The following PUM2 variants were observed in gnomAD, a reference collection of about 807,000 sequenced individuals.
PUM2 encodes the protein pumilio homolog 2.
A neutral mutation model predicts 124.5 loss-of-function variants in PUM2; 57 were observed. That is an observed-to-expected ratio of 0.46 (90% CI 0.37 to 0.57). The LOEUF (loss-of-function observed/expected upper bound fraction) is 0.57, where lower values mean the gene tolerates loss of function less well. PUM2 is among the 20% of genes least tolerant of loss of function. The pLI is 0.00. For missense variants in PUM2, 1,065 were observed against 1,290.6 expected, an observed-to-expected ratio of 0.83 and a Z score of 2.68; for synonymous variants, 460 against 446.1, an observed-to-expected ratio of 1.03 and a Z score of -0.39.
intron 1 of PUM2, among the ~76,000 whole-genome samples, chr2:20,331,522 A>T (rs1389128188): frequency 6.6e-6 from 1 of 152,022 alleles, no homozygotes; most frequent in Non-Finnish European, 1.5e-5. Context: ...GACAAGATTA[A>T]GTACTTCTAA....
chr2:20,262,349 TTC>T (rs1666508018), intron 14 of PUM2, among the ~76,000 whole-genome samples: 1 of 152,244 alleles, frequency 6.6e-6, no homozygotes, highest in African/African-American at 2.4e-5. Flanking sequence ...ACTGTATCTT[TTC>T]TATTGTTTAT....
At chr2:20,340,000 AAC>A (rs1054722746) in intron 1 of PUM2, among the ~76,000 whole-genome samples, 8 of 152,048 alleles carry the variant, frequency 5.3e-5, no homozygotes, top group African/African-American at 1.7e-4. Context: ...TAAAAAAAAA[AAC>A]GGCCAACTAA....
chr2:20,314,564 A>G, intron 3 of PUM2, among the ~76,000 whole-genome samples: 1 of 152,224 alleles, frequency 6.6e-6, no homozygotes, highest in Non-Finnish European at 1.5e-5. Context: ...TGTTTGTGAC[A>G]GGTATAAATA....
chr2:20,341,113 T>C (rs1202676215), intron 1 of PUM2, among the ~76,000 whole-genome samples: 3 of 151,130 alleles, frequency 2.0e-5, no homozygotes, highest in Admixed American at 2.0e-4. Context: ...AGTCCAGGAG[T>C]TCAAGACCAG....
chr2:20,312,103 T>C (rs539401536), intron 4 of PUM2, 133 bp downstream of exon 4: 27 of 768,752 alleles, frequency 3.5e-5, no homozygotes, highest in Middle Eastern at 3.8e-4. Flanking sequence ...AGCAGAAGAA[T>C]AGCAATAATA....
At chr2:20,254,088 G>C in intron 19 of PUM2, 74 bp from the exon 20 acceptor site, 3 of 1,284,906 alleles carry the variant, frequency 2.3e-6, no homozygotes, top group Admixed American at 2.1e-5. Context: ...CTTATAGAAA[G>C]AATCTTCTCC....
chr2:20,251,531 C>A lies in PUM2; in HGVS notation c.*54G>T, dbSNP rs538092312. ...GAGTTGTGTTTTGATAATTCACACA[C>A]AAAAAAATTCTTTTCACATGGTTAA... On this transcript the variant is annotated 3_prime_UTR_variant, in exon 21 of 21. Coordinates refer to ENST00000361078, the MANE Select transcript of PUM2 (RefSeq NM_015317.5). The A allele has an allele frequency of 2.6e-6, 4 of 1,534,724 alleles. No homozygotes were observed. Among genetic ancestry groups the A allele is most frequent in the Non-Finnish European group, 2.6e-6 (3 of 1,133,872 alleles).
At chr2:20,316,966 G>A (rs990968529) in intron 3 of PUM2, among the ~76,000 whole-genome samples, 7 of 152,116 alleles carry the variant, frequency 4.6e-5, no homozygotes, top group African/African-American at 1.7e-4. Flanking sequence ...GGGAGGCGGA[G>A]GTTGCAGTGA....
intron 13 of PUM2, among the ~76,000 whole-genome samples, chr2:20,269,224 G>A (rs1300130355): frequency 2.6e-5 from 4 of 151,536 alleles, no homozygotes; most frequent in Admixed American, 6.6e-5. Context: ...TTTTTGAGAC[G>A]GAGTGCCACT....
At chr2:20,310,733 A>G (rs1259156671) in intron 5 of PUM2, among the ~76,000 whole-genome samples, 5 of 151,854 alleles carry the variant, frequency 3.3e-5, no homozygotes, top group Non-Finnish European at 7.4e-5. Flanking sequence ...GTAAGATTCC[A>G]TGGTCATAAG....
At chr2:20,283,613 G>A in intron 10 of PUM2, 127 bp from the exon 11 acceptor site, 7 of 910,724 alleles carry the variant, frequency 7.7e-6, no homozygotes, top group Non-Finnish European at 1.1e-5. Context: ...AAAATCCTTA[G>A]TTAATATATG....
At chr2:20,323,341 G>A (rs1361286195) in intron 2 of PUM2, among the ~76,000 whole-genome samples, 2 of 151,702 alleles carry the variant, frequency 1.3e-5, no homozygotes, top group Non-Finnish European at 2.9e-5. Context: ...CCAGCTACTC[G>A]GGAGGCTGAG....
chr2:20,263,763 AACT>A (rs1209432539), intron 13 of PUM2, among the ~76,000 whole-genome samples: 2 of 152,220 alleles, frequency 1.3e-5, no homozygotes, highest in African/African-American at 2.4e-5. Context: ...AGAACACTGA[AACT>A]ACCAACAAAA....
At chr2:20,264,439 ACAG>A (rs1443428006) in intron 13 of PUM2, among the ~76,000 whole-genome samples, 1 of 142,434 alleles carries the variant, frequency 7.0e-6, no homozygotes, top group African/African-American at 2.6e-5. Flanking sequence ...GTATTAATAA[ACAG>A]CAGTTATTAT....
chr2:20,253,052 G>A (rs549277250), intron 20 of PUM2, among the ~76,000 whole-genome samples: 8 of 152,280 alleles, frequency 5.3e-5, no homozygotes, highest in South Asian at 2.1e-4. Context: ...TTGAGCATCC[G>A]TGAATTTTGG....
At chr2:20,342,846 A>G (rs1260792687) in intron 1 of PUM2, among the ~76,000 whole-genome samples, 1 of 152,232 alleles carries the variant, frequency 6.6e-6, no homozygotes, top group African/African-American at 2.4e-5. Flanking sequence ...CCAATTTCCT[A>G]AAGATACTTA....
chr2:20,278,599 T>C lies in PUM2; in HGVS notation c.1941A>G (p.Ser647=). The change falls in exon 13 of 21, where the codon TCA becomes TCG. Residue 647 remains serine (S), a synonymous_variant. Transcript: ENST00000361078. ...PPPSLSSHGS[S]SSLHLGGLTN... is the part of the protein sequence containing the mutation. ...TTTTTTTACCTAAATGCAAACTGGA[T>C]GAGGATCCATGTGATGAAAGTGATG... 6.2e-7 allele frequency: 1 copy of C among 1,611,054 alleles called. No homozygotes were observed. The highest frequency in any genetic ancestry group is 8.5e-7 in the Non-Finnish European group (1 of 1,177,804).
chr2:20,270,799 A>G (rs1388921088), intron 13 of PUM2, among the ~76,000 whole-genome samples: 2 of 152,172 alleles, frequency 1.3e-5, no homozygotes, highest in African/African-American at 4.8e-5. Context: ...TCAATTACCC[A>G]AACATTCAAT....
intron 4 of PUM2, 91 bp from the exon 5 acceptor site, chr2:20,311,754 T>C (rs551256527): frequency 4.0e-6 from 5 of 1,245,780 alleles, no homozygotes; most frequent in Non-Finnish European, 5.5e-6. Context: ...CTACAGTGCA[T>C]GTAAACAATA....
Sources: gnomAD v4.1 joint callset for allele counts (sites outside exome capture counted in the v4.1 genomes callset) on GRCh38, gnomAD v4.1.1 for gene constraint, MANE v1.5 for transcripts, NCBI Gene and HGNC (gene_info 2026-07-23, HGNC 2026-07-21) for gene names.